The following LILRA4 variants were observed in gnomAD, a reference collection of about 807,000 sequenced individuals.
LILRA4 encodes the protein leukocyte immunoglobulin like receptor A4, also known as leukocyte immunoglobulin-like receptor subfamily A member 4.
A neutral mutation model predicts 49.5 loss-of-function variants in LILRA4; 51 were observed. That is an observed-to-expected ratio of 1.03 (90% CI 0.82 to 1.30). The LOEUF is 1.30. Ranked by LOEUF, LILRA4 falls within the 50% of genes most tolerant of loss-of-function variation. The pLI is 0.00. For synonymous variants in LILRA4, 272 were observed against 265.6 expected (o/e 1.02, Z -0.23); for missense variants, 624 against 625.6 (o/e 1.00, Z 0.03).
chr19:54,334,009 C>T (rs2081298620), intron 6 of LILRA4, 44 bp from the exon 7 acceptor site: 3 of 1,516,924 alleles, frequency 2.0e-6, no homozygotes, highest in Non-Finnish European at 2.7e-6. Context: ...GCTGAAGAGC[C>T]TCTCCCCTGG....
In LILRA4 at chr19:54,338,875, C is replaced by G. The variant is rs1301871161; in HGVS notation, c.61G>C (p.Val21Leu). 7 of 1,614,016 alleles carry G rather than the reference C, an allele frequency of 4.3e-6. No homozygotes were observed. Among genetic ancestry groups the G allele is most frequent in the African/African-American group, 4.0e-5 (3 of 74,908 alleles). ...FGLSLGPRTR[V>L]QAENLLKPIL... ...CTGGGGACAGACTCACCTGCCTGCACCCGGGTCCTGGGGCCCAGGCTCAGC... is the reference window on the plus strand; with the variant it reads ...CTGGGGACAGACTCACCTGCCTGCAGCCGGGTCCTGGGGCCCAGGCTCAGC... Residue 21 changes from valine to leucine, a missense_variant, in exon 2 of 8, where the codon GTG becomes CTG. Transcript: ENST00000291759.
At chr19:54,338,779 A>G in intron 2 of LILRA4, 87 bp downstream of exon 2, 1 of 1,599,452 alleles carries the variant, frequency 6.3e-7, no homozygotes, top group Non-Finnish European at 8.6e-7. Context: ...TCAGCCCAGA[A>G]CTGCTGTCTT....
At chr19:54,333,992 G>T (rs574182163) in intron 6 of LILRA4, 27 bp from the exon 7 acceptor site, 10 of 1,602,796 alleles carry the variant, frequency 6.2e-6, no homozygotes, top group Non-Finnish European at 8.5e-6. Context: ...AAGGATGTTG[G>T]TGAGAAGCTG....
chr19:54,338,361 G>C (rs1380099242), intron 3 of LILRA4, 35 bp downstream of exon 3: 4 of 1,612,020 alleles, frequency 2.5e-6, no homozygotes, highest in Middle Eastern at 1.7e-4. Flanking sequence ...CCCGAGGGCA[G>C]AGCCTGGGGC....
Position 54,337,623 on chromosome 19 carries a change from C to T in LILRA4, c.729G>A (p.Gln243=). The T allele has an allele frequency of 6.2e-7, 1 of 1,613,782 alleles. No individual in the cohort carries two copies. The highest frequency in any genetic ancestry group is 1.7e-4 in the Middle Eastern group (1 of 5,932). Reference sequence around the variant, plus strand: ...TGATGTAGCCGACATCAGAGCCACACTGGAGGGTCAGATTCTCTCCGGGGG... The same window carrying T: ...TGATGTAGCCGACATCAGAGCCACATTGGAGGGTCAGATTCTCTCCGGGGG... The part of the protein sequence containing the change: ...VVTPGENLTL[Q]CGSDVGYIRY... Residue 243 remains glutamine (Q), a synonymous_variant, in exon 5 of 8, where the codon CAG becomes CAA. Coordinates refer to ENST00000291759, the MANE Select transcript of LILRA4 (RefSeq NM_012276.5).
chr19:54,338,567 T>C lies in LILRA4; in HGVS notation c.184A>G (p.Lys62Glu). The C allele has an allele frequency of 6.2e-7, 1 of 1,614,166 alleles. No individual in the cohort carries two copies. Among genetic ancestry groups the C allele is most frequent in the Non-Finnish European group, 8.5e-7 (1 of 1,180,006 alleles). ...TLEAQGYRLD[K>E]EGNSMSRHIL... ...TGCCTCGACATTGAGTTTCCCTCTT[T>C]ATCCAGACGGTACCCCTGGGCCTCC... Residue 62 changes from lysine to glutamate, a missense_variant, in exon 3 of 8, where the codon AAA becomes GAA. By Grantham distance (56) the Lys-to-Glu change is moderately conservative. Coordinates refer to ENST00000291759, the MANE Select transcript of LILRA4 (RefSeq NM_012276.5).
intron 6 of LILRA4, chr19:54,336,045 C>T (rs945676777): frequency 1.3e-5 from 2 of 152,030 alleles, no homozygotes; most frequent in African/African-American, 4.8e-5. Context: ...CCCCCGGACC[C>T]CAAATCCCGC....
chr19:54,337,840 A>G, intron 4 of LILRA4, 96 bp downstream of exon 4: 4 of 1,460,936 alleles, frequency 2.7e-6, no homozygotes, highest in Non-Finnish European at 3.7e-6. Flanking sequence ...TCTTCCCCTC[A>G]TCTTTTCTTC....
At position 54,338,554 on chromosome 19, in the gene LILRA4, G is replaced by C; in HGVS notation, c.197C>G (p.Ser66Ter). ...QGYRLDKEGNSMSRHILKTLE... is the reference protein window; with the variant it reads ...QGYRLDKEGN ...TGTTTTTAATATGTGCCTCGACATT[G>C]AGTTTCCCTCTTTATCCAGACGGTA... is the stretch of plus-strand genomic sequence containing the variant. Residue 66 changes from serine (S) to a stop codon, truncating the protein, a stop_gained, in exon 3 of 8, where the codon TCA (serine) becomes TGA (stop). Coordinates refer to ENST00000291759, the MANE Select transcript of LILRA4 (RefSeq NM_012276.5). LOFTEE classifies it high-confidence loss of function. 1.2e-6 allele frequency: 2 copies of C among 1,614,160 alleles called. No individual in the cohort carries two copies. Among genetic ancestry groups the C allele is most frequent in the Non-Finnish European group, 1.7e-6 (2 of 1,180,004 alleles).
chr19:54,336,819 T>A (rs3745419), intron 6 of LILRA4, 22 bp downstream of exon 6: 303,773 of 1,294,724 alleles, frequency 0.23, 28,270 homozygotes, highest in South Asian at 0.32. Flanking sequence ...GAGCTCAGAG[T>A]GGACAGGGTC....
At chr19:54,334,239 A>C in intron 6 of LILRA4, 1 of 463,158 alleles carries the variant, frequency 2.2e-6, no homozygotes. Context: ...CCCCAACTAG[A>C]AAGAATTGAG....
chr19:54,333,390 G>C lies in LILRA4; in HGVS notation c.*182C>G, dbSNP rs1297867407. 3.1e-6 allele frequency: 2 copies of C among 653,086 alleles called. No homozygotes were observed. The highest frequency in any genetic ancestry group is 6.1e-5 in the Admixed American group (2 of 33,052). 40.5% of individuals were successfully genotyped at this position (653,086 alleles called of 1,614,324 possible). A position where few individuals can be genotyped will look rare whatever the true frequency, so the allele number is the denominator to read the frequency against. ...GCCTTACATCATAGGGAAGAAAAAC[G>C]AAGGAAGGGGCAGTCAAGGAGAGTC... On this transcript the variant is annotated 3_prime_UTR_variant, in exon 8 of 8. Coordinates refer to ENST00000291759, the MANE Select transcript of LILRA4 (RefSeq NM_012276.5).
rs367836903 is a variant in LILRA4 at position 54,338,568 on chromosome 19, A to T, written c.183T>A (p.Asp61Glu). ...GCCTCGACATTGAGTTTCCCTCTTT[A>T]TCCAGACGGTACCCCTGGGCCTCCA... ...GTLEAQGYRL[D>E]KEGNSMSRHI... The change falls in exon 3 of 8, where the codon GAT becomes GAA. Residue 61 changes from aspartate (D) to glutamate (E), a missense_variant. Transcript: ENST00000291759. 3 of 1,614,054 alleles carry T rather than the reference A, an allele frequency of 1.9e-6. No homozygotes were observed. The highest frequency in any genetic ancestry group is 2.7e-5 in the African/African-American group (2 of 74,992).
At position 54,338,203 on chromosome 19, in the gene LILRA4, T is replaced by A. The variant is rs1158905763; in HGVS notation, c.388A>T (p.Ser130Cys). 6.2e-7 allele frequency: 1 copy of A among 1,613,444 alleles called. No homozygotes were observed. Among genetic ancestry groups the A allele is most frequent in the Admixed American group, 1.7e-5 (1 of 59,980 alleles). Residue 130 changes from serine to cysteine, a missense_variant, in exon 4 of 8, where the codon AGC becomes TGC. By Grantham distance (112) the Ser-to-Cys change is moderately radical. Coordinates refer to ENST00000291759, the MANE Select transcript of LILRA4 (RefSeq NM_012276.5). ...TTCACTCCTGAGGTCACCACAGGGC[T>A]TGGCAGTGCGGACAGGGTGGGTCTG... Reference protein sequence around the residue: ...YSRPTLSALPSPVVTSGVNVT... With the variant: ...YSRPTLSALPCPVVTSGVNVT...
intron 4 of LILRA4, 74 bp from the exon 5 acceptor site, chr19:54,337,770 C>G: frequency 6.6e-7 from 1 of 1,514,810 alleles, no homozygotes; most frequent in Non-Finnish European, 8.9e-7. Flanking sequence ...GCCTTCCTCA[C>G]TAGGGTTTCC....
rs540361534 is a variant in LILRA4, at chr19:54,337,088, T to C, written c.1008A>G (p.Ser336=). The part of the protein sequence containing the change: ...LSVQPGPTVT[S]GEKVTLLCQS... ...GACACAGCAGGGTCACCTTCTCTCC[T>C]GAGGTCACCGTGGGGCCCGGCTGCA... is the stretch of plus-strand genomic sequence containing the variant. The change falls in exon 6 of 8, where the codon TCA becomes TCG. Residue 336 remains serine (S), a synonymous_variant. Coordinates refer to ENST00000291759, the MANE Select transcript of LILRA4 (RefSeq NM_012276.5). 8 of 1,613,948 alleles carry C rather than the reference T, an allele frequency of 5.0e-6. No individual in the cohort carries two copies. The African/African-American group carries it at 6.7e-5, about 13-fold the overall frequency.
intron 4 of LILRA4, 78 bp from the exon 5 acceptor site, chr19:54,337,774 G>T (rs1363848713): frequency 1.3e-6 from 2 of 1,499,390 alleles, no homozygotes; most frequent in Non-Finnish European, 8.9e-7. Context: ...TCCTCACTAG[G>T]GTTTCCAGCG....
At chr19:54,336,488 C>T in intron 6 of LILRA4, 1 of 390,606 alleles carries the variant, frequency 2.6e-6, no homozygotes, top group Non-Finnish European at 4.6e-6. Context: ...ACTCTTTACC[C>T]TACTGAGACT....
intron 7 of LILRA4, 25 bp from the exon 8 acceptor site, chr19:54,333,790 A>G (rs771534055): frequency 1.9e-6 from 3 of 1,613,898 alleles, no homozygotes; most frequent in Non-Finnish European, 2.5e-6. Context: ...CAAAGAGGTC[A>G]CAGAGGTCAG....
Sources: allele counts gnomAD v4.1 joint callset, GRCh38; gene constraint gnomAD v4.1.1; transcripts MANE v1.5; gene names NCBI Gene and HGNC (gene_info 2026-07-23, HGNC 2026-07-21).